The following FHIT variants were observed in gnomAD, a reference collection of about 807,000 sequenced individuals.
The protein encoded by FHIT is fragile histidine triad diadenosine triphosphatase.
Under a neutral mutation model 17.9 loss-of-function variants are expected in FHIT, and 19 were observed. The observed-to-expected ratio is 1.06, with a 90% CI of 0.74 to 1.56. The LOEUF (loss-of-function observed/expected upper bound fraction) is 1.56, where lower values mean the gene tolerates loss of function less well. FHIT is among the 40% of genes most tolerant of loss of function. FHIT has a pLI of 0.00. For synonymous variants in FHIT, 81 were observed against 69.7 expected, an observed-to-expected ratio of 1.16 and a Z score of -0.81; for missense variants, 248 against 189.2, an observed-to-expected ratio of 1.31 and a Z score of -1.82.
At chr3:61,235,103 A>C (rs1289852812) in intron 1 of FHIT, among the ~76,000 whole-genome samples, 1 of 152,230 alleles carries the variant, frequency 6.6e-6, no homozygotes, top group Non-Finnish European at 1.5e-5. Flanking sequence ...TGATAAAAGC[A>C]ATTCCTTTTA....
chr3:61,220,913 G>A (rs560015877), intron 1 of FHIT, among the ~76,000 whole-genome samples: 4 of 152,084 alleles, frequency 2.6e-5, no homozygotes, highest in Non-Finnish European at 5.9e-5. Flanking sequence ...CACACAACAC[G>A]ACATGCCCTT....
At chr3:60,877,697 T>A (rs931614818) in intron 3 of FHIT, among the ~76,000 whole-genome samples, 2 of 152,080 alleles carry the variant, frequency 1.3e-5, no homozygotes, top group East Asian at 1.9e-4. Flanking sequence ...TGATGTAGTA[T>A]CTTGTGTCCC....
intron 3 of FHIT, among the ~76,000 whole-genome samples, chr3:60,874,417 C>A (rs1351198213): frequency 6.6e-6 from 1 of 152,140 alleles, no homozygotes; most frequent in Non-Finnish European, 1.5e-5. Context: ...TCTGGGAACT[C>A]TCTGAAACTG....
At chr3:60,589,190 G>C (rs1274891896) in intron 4 of FHIT, among the ~76,000 whole-genome samples, 1 of 152,006 alleles carries the variant, frequency 6.6e-6, no homozygotes, top group Non-Finnish European at 1.5e-5. Context: ...GAGAGAAAAA[G>C]TATAACCCAA....
At chr3:60,367,394 T>G (rs1237333924) in intron 5 of FHIT, among the ~76,000 whole-genome samples, 1 of 152,220 alleles carries the variant, frequency 6.6e-6, no homozygotes. Flanking sequence ...TAGTGAATTT[T>G]CTAGAGAATG....
chr3:60,547,490 CTTCT>C (rs1201453109), intron 4 of FHIT, among the ~76,000 whole-genome samples: 1 of 152,094 alleles, frequency 6.6e-6, no homozygotes, highest in Admixed American at 6.6e-5. Flanking sequence ...CGATTACTTT[CTTCT>C]TTATTTTTTT....
intron 5 of FHIT, among the ~76,000 whole-genome samples, chr3:60,257,822 C>A (rs1559767298): frequency 6.6e-6 from 1 of 152,082 alleles, no homozygotes; most frequent in Non-Finnish European, 1.5e-5. Context: ...AATGTTCTCA[C>A]CTGTAAGTGG....
chr3:60,509,609 A>G (rs563331777), intron 5 of FHIT, among the ~76,000 whole-genome samples: 5 of 151,570 alleles, frequency 3.3e-5, no homozygotes, highest in South Asian at 2.1e-4. Context: ...AATGTTAACT[A>G]TATCTGCTAT....
intron 5 of FHIT, among the ~76,000 whole-genome samples, chr3:60,084,411 T>C (rs1013874850): frequency 6.6e-6 from 1 of 152,192 alleles, no homozygotes; most frequent in Admixed American, 6.5e-5. Context: ...TCGTTCACTC[T>C]ACACATATAA....
chr3:60,752,367 G>A (rs1018100112), intron 4 of FHIT, among the ~76,000 whole-genome samples: 2 of 152,112 alleles, frequency 1.3e-5, no homozygotes, highest in African/African-American at 4.8e-5. Context: ...CCAGAAAGGG[G>A]AGAATCAATT....
Position 60,604,550 on chromosome 3 carries a change from A to T in FHIT, c.-17-67571T>A, listed in dbSNP as rs368515304. Among the ~76,000 whole-genome samples the T allele has an allele frequency of 7.2e-5, 11 of 152,304 alleles. No individual in the cohort carries two copies. The East Asian group carries it at 1.2e-3, about 16-fold the overall frequency. On this transcript the variant is annotated intron_variant, in intron 4 of 9. Transcript: ENST00000492590. ...TTGGGCTGAAATAACATACTCAAGA[A>T]TATTGCTATTCTGAGTGTTGCTTCT... is the stretch of plus-strand genomic sequence containing the variant.
At chr3:60,501,110 C>G (rs956612476) in intron 5 of FHIT, among the ~76,000 whole-genome samples, 26 of 152,282 alleles carry the variant, frequency 1.7e-4, no homozygotes, top group African/African-American at 6.3e-4. Context: ...ACAGGCTAAT[C>G]TGTGAAATTA....
intron 7 of FHIT, among the ~76,000 whole-genome samples, chr3:59,986,562 CACACACATATAT>C (rs1708933149): frequency 1.5e-5 from 1 of 64,700 alleles, no homozygotes; most frequent in African/African-American, 1.3e-4. Context: ...CACACACACA[CACACACATATAT>C]ACACACACAC....
intron 5 of FHIT, among the ~76,000 whole-genome samples, chr3:60,461,076 A>AAATACTCTT (rs3060261): frequency 0.19 from 28,946 of 151,994 alleles, 4,478 homozygotes; most frequent in African/African-American, 0.43. Context: ...AACGGCAAAA[A>AAATACTCTT]AATACTCTTC....
intron 7 of FHIT, among the ~76,000 whole-genome samples, chr3:59,992,489 A>G (rs938407566): frequency 1.3e-5 from 2 of 152,126 alleles, no homozygotes; most frequent in African/African-American, 2.4e-5. Context: ...TTAGAAGCGT[A>G]TACCAACAAC....
chr3:60,026,309 T>C lies in FHIT; in HGVS notation c.104-12157A>G, dbSNP rs554232168. 6.0e-3 allele frequency among the ~76,000 whole-genome samples: 742 copies of C among 122,966 alleles called. 13 individuals are homozygous for C. Among genetic ancestry groups the C allele is most frequent in the African/African-American group, 0.025 (715 of 28,878 alleles). The allele number at this position is 122,966 out of a possible 152,430, so 80.7% of individuals were successfully genotyped here. On this transcript the variant is annotated intron_variant, in intron 5 of 9. Coordinates refer to ENST00000492590, the MANE Select transcript of FHIT (RefSeq NM_002012.4). ...CAACAAATAAAAGCTGAACGAATGG[T>C]TGGTTTAGAAAAAAAAAAAATAGTC...
At chr3:60,912,811 T>G (rs782274805) in intron 3 of FHIT, 1 of 512,690 alleles carries the variant, frequency 2.0e-6, no homozygotes, top group Admixed American at 2.0e-5. Flanking sequence ...CTCTAAAAAT[T>G]TATTGCTCTT....
chr3:60,103,419 T>C (rs1307763836), intron 5 of FHIT, among the ~76,000 whole-genome samples: 2 of 152,166 alleles, frequency 1.3e-5, no homozygotes, highest in Non-Finnish European at 2.9e-5. Flanking sequence ...CAAAGCAACA[T>C]GCTTTTACAC....
chr3:60,717,669 G>T (rs1273071695), intron 4 of FHIT, among the ~76,000 whole-genome samples: 1 of 152,178 alleles, frequency 6.6e-6, no homozygotes, highest in East Asian at 1.9e-4. Flanking sequence ...AGAACTTTAA[G>T]TGTTCTAGAG....
Sources: gnomAD v4.1 joint callset for allele counts (sites outside exome capture counted in the v4.1 genomes callset) on GRCh38, gnomAD v4.1.1 for gene constraint, MANE v1.5 for transcripts, NCBI Gene and HGNC (gene_info 2026-07-23, HGNC 2026-07-21) for gene names.